The following SPTLC1 variants were observed in gnomAD, a reference collection of about 807,000 sequenced individuals.
SPTLC1 encodes the protein serine palmitoyltransferase 1.
SPTLC1 carries 55 observed loss-of-function variants against 68.9 expected under a neutral mutation model. The ratio of observed to expected loss-of-function variants is 0.80; its 90% CI spans 0.64 to 1.00. The LOEUF (loss-of-function observed/expected upper bound fraction) is 1.00. Among genes scored for constraint, SPTLC1 ranks in the 50% least tolerant of loss-of-function variants. The pLI is 0.00. For synonymous variants in SPTLC1, 197 were observed against 201.6 expected (o/e 0.98, Z 0.19); for missense variants, 449 against 573.1 (o/e 0.78, Z 2.21).
chr9:92,112,751 A>T (rs892307555), intron 1 of SPTLC1, among the ~76,000 whole-genome samples, 189 bp from the exon 2 acceptor site: 3 of 152,180 alleles, frequency 2.0e-5, no homozygotes, highest in African/African-American at 7.2e-5. Flanking sequence ...TCTCCCTCAC[A>T]TGAAAAACCC....
intron 3 of SPTLC1, among the ~76,000 whole-genome samples, chr9:92,088,933 G>C (rs548302478): frequency 6.6e-6 from 1 of 152,104 alleles, no homozygotes; most frequent in Middle Eastern, 3.2e-3. Flanking sequence ...CTCCACAATC[G>C]AGACCTGAGA....
chr9:92,038,430 A>T (rs1045543848), intron 12 of SPTLC1, 65 bp from the exon 13 acceptor site: 2 of 1,063,758 alleles, frequency 1.9e-6, no homozygotes, highest in Admixed American at 1.7e-5. Flanking sequence ...CTCACGGAGA[A>T]ATAATGTTAG....
At chr9:92,061,865 A>C (rs952520609) in intron 6 of SPTLC1, among the ~76,000 whole-genome samples, 2 of 152,190 alleles carry the variant, frequency 1.3e-5, no homozygotes, top group African/African-American at 4.8e-5. Context: ...GTAAATTCTA[A>C]AAACATGTTC....
At chr9:92,074,498 C>T (rs1459020847) in intron 5 of SPTLC1, among the ~76,000 whole-genome samples, 1 of 152,108 alleles carries the variant, frequency 6.6e-6, no homozygotes, top group Non-Finnish European at 1.5e-5. Context: ...ATCTCCCCAC[C>T]TTAACCCTAA....
intron 6 of SPTLC1, among the ~76,000 whole-genome samples, chr9:92,067,349 A>C (rs920522313): frequency 6.6e-6 from 1 of 151,346 alleles, no homozygotes; most frequent in South Asian, 2.1e-4. Flanking sequence ...TCAATTTGAG[A>C]CCAAATTTTA....
intron 3 of SPTLC1, among the ~76,000 whole-genome samples, chr9:92,085,496 T>G (rs1835085444): frequency 6.6e-6 from 1 of 151,878 alleles, no homozygotes; most frequent in South Asian, 2.1e-4. Flanking sequence ...CATTTCGTTA[T>G]GTACCCAGTA....
rs1290551606 is a variant in SPTLC1 at position 92,062,589 on chromosome 9, T to C, written c.561-3281A>G. Among the ~76,000 whole-genome samples, 10 of 152,260 alleles carry C rather than the reference T, an allele frequency of 6.6e-5. No homozygotes were observed. The East Asian group carries it at 1.3e-3, about 21-fold the overall frequency. Reference sequence around the variant, plus strand: ...TAAGATATTCCAAAATAGACTACCGTATTAGCCATAAACCAAACTACAACA... The same window carrying C: ...TAAGATATTCCAAAATAGACTACCGCATTAGCCATAAACCAAACTACAACA... On this transcript the variant is annotated intron_variant, in intron 6 of 14. Transcript: ENST00000262554.
chr9:92,069,573 A>G (rs16908131), intron 5 of SPTLC1, among the ~76,000 whole-genome samples: 16,380 of 152,178 alleles, frequency 0.11, 1,905 homozygotes, highest in African/African-American at 0.3. Flanking sequence ...GAGAGATGCT[A>G]TCAGAAAAGG....
chr9:92,115,303 G>T lies in SPTLC1; in HGVS notation c.57+11C>A, dbSNP rs1316690824. On this transcript the variant is annotated intron_variant, in intron 1 of 14. Coordinates refer to ENST00000262554, the MANE Select transcript of SPTLC1 (RefSeq NM_006415.4). ...GGTGTGGTCGCGGACCGCTAATGGC[G>T]CGGAGCCCACCTCGTAAAGCGCCTG... The T allele has an allele frequency of 6.2e-7, 1 of 1,611,658 alleles. No homozygotes were observed.
At chr9:92,038,628 A>C (rs1833233738) in intron 12 of SPTLC1, among the ~76,000 whole-genome samples, 1 of 152,168 alleles carries the variant, frequency 6.6e-6, no homozygotes, top group African/African-American at 2.4e-5. Context: ...CCCACCAGGG[A>C]GTCTGTGCCT....
intron 8 of SPTLC1, chr9:92,050,340 A>C: frequency 7.6e-6 from 3 of 396,870 alleles, no homozygotes; most frequent in South Asian, 7.0e-5. Context: ...CGACTGTTTC[A>C]GCTCTGATCC....
chr9:92,077,694 T>C (rs1395625255), intron 5 of SPTLC1, among the ~76,000 whole-genome samples: 1 of 152,202 alleles, frequency 6.6e-6, no homozygotes, highest in Non-Finnish European at 1.5e-5. Context: ...TCTCACGTAC[T>C]TCTAAATGCC....
At chr9:92,036,372 C>A (rs1208125118) in intron 13 of SPTLC1, among the ~76,000 whole-genome samples, 1 of 152,232 alleles carries the variant, frequency 6.6e-6, no homozygotes, top group East Asian at 1.9e-4. Flanking sequence ...ATTCGCACGT[C>A]CTCCTCTGCG....
At chr9:92,103,596 C>T (rs563166133) in intron 3 of SPTLC1, among the ~76,000 whole-genome samples, 2 of 152,318 alleles carry the variant, frequency 1.3e-5, no homozygotes, top group South Asian at 4.1e-4. Flanking sequence ...GCCAGGGAGG[C>T]ATGTGGTAAG....
At chr9:92,037,553 C>CT (rs1328263124) in intron 13 of SPTLC1, among the ~76,000 whole-genome samples, 1 of 152,168 alleles carries the variant, frequency 6.6e-6, no homozygotes, top group Admixed American at 6.5e-5. Flanking sequence ...CTTCCTCCCC[C>CT]TTTTAAAGAA....
At chr9:92,093,391 T>C (rs921002757) in intron 3 of SPTLC1, among the ~76,000 whole-genome samples, 1 of 152,180 alleles carries the variant, frequency 6.6e-6, no homozygotes, top group Non-Finnish European at 1.5e-5. Context: ...GGATGCTTGG[T>C]ATCTTTTTAC....
intron 6 of SPTLC1, among the ~76,000 whole-genome samples, chr9:92,064,358 G>A (rs1397662937): frequency 1.3e-5 from 2 of 152,070 alleles, no homozygotes; most frequent in Non-Finnish European, 2.9e-5. Flanking sequence ...CTGAAGAGAT[G>A]GCAAATATGC....
intron 9 of SPTLC1, among the ~76,000 whole-genome samples, chr9:92,049,218 G>A (rs982735103): frequency 6.6e-5 from 10 of 152,110 alleles, no homozygotes; most frequent in Admixed American, 5.2e-4. Flanking sequence ...GCAATTTTAC[G>A]TTTTATAGTT....
intron 13 of SPTLC1, among the ~76,000 whole-genome samples, chr9:92,036,987 T>C (rs769948878): frequency 5.2e-4 from 79 of 152,368 alleles, no homozygotes; most frequent in Admixed American, 1.6e-3. Flanking sequence ...TAATCTGACA[T>C]GTTTCCTTAG....
Sources: gnomAD v4.1 joint callset for allele counts (sites outside exome capture counted in the v4.1 genomes callset) on GRCh38, gnomAD v4.1.1 for gene constraint, MANE v1.5 for transcripts, NCBI Gene and HGNC (gene_info 2026-07-23, HGNC 2026-07-21) for gene names.